Variants in CDH18 observed in about 807,000 individuals in gnomAD.
The protein encoded by CDH18 is cadherin 18.
In CDH18, 31 loss-of-function variants were observed where a neutral mutation model predicts 67.9. That is an observed-to-expected ratio of 0.46 (90% CI 0.34 to 0.62). The LOEUF is 0.62. Ranked by LOEUF, CDH18 falls within the 20% of genes least tolerant of loss-of-function variation. The pLI is 0.01. For missense variants in CDH18, 890 were observed against 975.5 expected (o/e 0.91, Z 1.17); for synonymous variants, 362 against 347.2 (o/e 1.04, Z -0.48).
chr5:20,204,331 C>T (rs1004606712), intron 2 of CDH18, among the ~76,000 whole-genome samples: 14 of 151,098 alleles, frequency 9.3e-5, no homozygotes, highest in African/African-American at 3.4e-4. Flanking sequence ...CAGAAAGAAG[C>T]AGAATGACAT....
chr5:20,095,299 AAAAGAAAGAAAGAAAGAAAGAAAGAAAG>A (rs201165191), intron 2 of CDH18, among the ~76,000 whole-genome samples: 1,024 of 72,896 alleles, frequency 0.014, 17 homozygotes, highest in African/African-American at 0.03. Context: ...AACTTAAAGT[AAAAGAAAGAAAGAAAGAAAGAAAGAAAG>A]AAAGAAAGAA....
At chr5:20,174,584 C>T (rs904630206) in intron 2 of CDH18, among the ~76,000 whole-genome samples, 2 of 152,118 alleles carry the variant, frequency 1.3e-5, no homozygotes, top group African/African-American at 2.4e-5. Flanking sequence ...GTCAAACATG[C>T]TAATTTAAAG....
At chr5:19,949,309 C>T (rs1369897856) in intron 2 of CDH18, among the ~76,000 whole-genome samples, 2 of 151,996 alleles carry the variant, frequency 1.3e-5, no homozygotes, top group African/African-American at 4.8e-5. Context: ...TAACAGAAAC[C>T]CATCTAGGTA....
chr5:19,866,978 T>C (rs1581708765), intron 2 of CDH18, among the ~76,000 whole-genome samples: 1 of 152,018 alleles, frequency 6.6e-6, no homozygotes, highest in African/African-American at 2.4e-5. Context: ...TAATCCCAGC[T>C]ACTCGGGAGG....
chr5:20,241,142 T>C (rs909201696), intron 2 of CDH18, among the ~76,000 whole-genome samples: 4 of 152,208 alleles, frequency 2.6e-5, no homozygotes, highest in South Asian at 4.1e-4. Context: ...TAAAAAAGTG[T>C]CTTATTTATG....
At chr5:19,594,145 TTTTG>T (rs751954231) in intron 6 of CDH18, among the ~76,000 whole-genome samples, 20 of 152,146 alleles carry the variant, frequency 1.3e-4, no homozygotes, top group Non-Finnish European at 2.1e-4. Flanking sequence ...CAATGCATTT[TTTTG>T]TTTGTTTGTT....
chr5:20,130,141 A>T (rs2126469489), intron 2 of CDH18, among the ~76,000 whole-genome samples: 1 of 151,208 alleles, frequency 6.6e-6, no homozygotes, highest in Middle Eastern at 3.5e-3. Flanking sequence ...GGGAAATCAG[A>T]GGCTTCTCTA....
intron 5 of CDH18, among the ~76,000 whole-genome samples, chr5:19,622,752 C>T (rs190855188): frequency 5.4e-4 from 82 of 152,240 alleles, no homozygotes; most frequent in Admixed American, 2.6e-3. Context: ...TACTAAGGCA[C>T]TAGGCATCTC....
intron 2 of CDH18, among the ~76,000 whole-genome samples, chr5:19,883,621 C>T (rs1263159091): frequency 2.0e-5 from 3 of 151,936 alleles, no homozygotes; most frequent in Non-Finnish European, 4.4e-5. Flanking sequence ...TTTATTTGTT[C>T]AGTATCATGT....
intron 2 of CDH18, among the ~76,000 whole-genome samples, chr5:20,154,850 T>C (rs1751399799): frequency 6.6e-6 from 1 of 152,192 alleles, no homozygotes; most frequent in Non-Finnish European, 1.5e-5. Flanking sequence ...TCAGACTATT[T>C]TACTCCCTAT....
intron 4 of CDH18, among the ~76,000 whole-genome samples, chr5:19,725,775 C>T (rs1202613821): frequency 6.6e-6 from 1 of 152,082 alleles, no homozygotes; most frequent in African/African-American, 2.4e-5. Flanking sequence ...GTCTCAACAA[C>T]AACAACAACA....
chr5:20,162,327 T>A (rs981080497), intron 2 of CDH18, among the ~76,000 whole-genome samples: 1 of 151,306 alleles, frequency 6.6e-6, no homozygotes, highest in African/African-American at 2.4e-5. Context: ...CGAAGTACTT[T>A]TAGTACTTTG....
chr5:20,251,311 A>G (rs1197304847), intron 2 of CDH18, among the ~76,000 whole-genome samples: 3 of 152,106 alleles, frequency 2.0e-5, no homozygotes, highest in African/African-American at 7.2e-5. Flanking sequence ...AATTTTTTTC[A>G]CAAAACACAC....
intron 2 of CDH18, among the ~76,000 whole-genome samples, chr5:20,138,145 C>T (rs1450325069): frequency 2.0e-5 from 3 of 151,930 alleles, no homozygotes; most frequent in Non-Finnish European, 2.9e-5. Context: ...CCCTGGGATG[C>T]AAGGCTAGTT....
chr5:19,826,455 A>C (rs1349775153), intron 3 of CDH18, among the ~76,000 whole-genome samples: 1 of 152,174 alleles, frequency 6.6e-6, no homozygotes, highest in Non-Finnish European at 1.5e-5. Flanking sequence ...AATGAAAGAA[A>C]AAATGTTAAA....
At chr5:20,249,160 G>A (rs1743612688) in intron 2 of CDH18, among the ~76,000 whole-genome samples, 1 of 152,000 alleles carries the variant, frequency 6.6e-6, no homozygotes, top group African/African-American at 2.4e-5. Flanking sequence ...AAGACAAAAG[G>A]GAAGAGCAAA....
intron 1 of CDH18, among the ~76,000 whole-genome samples, chr5:20,468,953 T>G (rs1385753012): frequency 6.6e-6 from 1 of 152,332 alleles, no homozygotes; most frequent in South Asian, 2.1e-4. Flanking sequence ...TTCACAAATG[T>G]TAGTTATCAG....
chr5:20,172,232 A>ATATATACG (rs1736872090), intron 2 of CDH18, among the ~76,000 whole-genome samples: 3 of 122,682 alleles, frequency 2.4e-5, no homozygotes, highest in Admixed American at 8.5e-5. Flanking sequence ...ATGTATATAT[A>ATATATACG]TATATATGTA....
chr5:20,162,455 T>C (rs1235287636), intron 2 of CDH18, among the ~76,000 whole-genome samples: 1 of 147,316 alleles, frequency 6.8e-6, no homozygotes, highest in Non-Finnish European at 1.5e-5. Flanking sequence ...ATATATATTA[T>C]ATATACATAT....
Sources: gnomAD v4.1 joint callset for allele counts (sites outside exome capture counted in the v4.1 genomes callset) on GRCh38, gnomAD v4.1.1 for gene constraint, MANE v1.5 for transcripts, NCBI Gene and HGNC (gene_info 2026-07-23, HGNC 2026-07-21) for gene names.